Variants in TJP1 observed in about 807,000 individuals in gnomAD.
TJP1 encodes the protein tight junction protein ZO-1.
TJP1 carries 43 observed loss-of-function variants against 194.2 expected under a neutral mutation model. That is an observed-to-expected ratio of 0.22 (90% CI 0.17 to 0.29). The LOEUF is 0.29. Among genes scored for constraint, TJP1 ranks in the 10% least tolerant of loss-of-function variants. The pLI, the probability that TJP1 is intolerant of heterozygous loss-of-function variation, is 1.00. For missense variants in TJP1, 1,971 were observed against 2,185.7 expected (o/e 0.90, Z 1.96); for synonymous variants, 801 against 779.0 (o/e 1.03, Z -0.47).
Position 29,718,305 on chromosome 15 carries a change from T to C in TJP1, c.3837A>G (p.Leu1279=), listed in dbSNP as rs2042696555. 3 of 1,613,986 alleles carry C rather than the reference T, an allele frequency of 1.9e-6. No individual in the cohort carries two copies. Reference sequence around the variant, plus strand: ...TGTCATTTACATCCTTCTTGGTCTCTAAGGATGCAGATCTTTTGTTTTCAA... The same window carrying C: ...TGTCATTTACATCCTTCTTGGTCTCCAAGGATGCAGATCTTTTGTTTTCAA... ...KMFENKRSAS[L]ETKKDVNDTG... is the part of the protein sequence containing the mutation. The change falls in exon 21 of 28, where the codon TTA becomes TTG. Residue 1279 remains leucine (L), a synonymous_variant. Coordinates refer to ENST00000614355, the MANE Select transcript of TJP1 (RefSeq NM_001330239.4).
At chr15:29,959,714 G>A (rs74918713) in intron 1 of TJP1, among the ~76,000 whole-genome samples, 51 of 152,184 alleles carry the variant, frequency 3.4e-4, no homozygotes, top group Non-Finnish European at 5.0e-4. Flanking sequence ...TCAAAATTAC[G>A]GGTCCACTGA....
chr15:29,701,727 G>C, intron 27 of TJP1, 38 bp from the exon 28 acceptor site: 1 of 1,470,778 alleles, frequency 6.8e-7, no homozygotes, highest in Non-Finnish European at 9.5e-7. Context: ...TTACAGTTCA[G>C]TAAACTGCTA....
chr15:29,865,921 C>T (rs374410581), intron 2 of TJP1, among the ~76,000 whole-genome samples: 1 of 152,162 alleles, frequency 6.6e-6, no homozygotes, highest in East Asian at 1.9e-4. Flanking sequence ...AATCGCCAGG[C>T]ACTGTGCTAG....
rs550358758 is a variant in TJP1, at chr15:29,964,870, A to G, written c.173+3797T>C. Among the ~76,000 whole-genome samples the G allele has an allele frequency of 2.0e-5, 3 of 152,342 alleles. 1 individual carries two copies. Among genetic ancestry groups the G allele is most frequent in the African/African-American group, 7.2e-5 (3 of 41,578 alleles). On this transcript the variant is annotated intron_variant, in intron 1 of 28. Transcript: ENST00000356107. The stretch of plus-strand genomic sequence containing the variant: ...TCTTGAAGAAGGGGATGAGGAAAAG[A>G]GAGTTCCTACAGGCTCCACTGATGT...
intron 2 of TJP1, among the ~76,000 whole-genome samples, chr15:29,835,917 CAG>C (rs143355262): frequency 1.0e-4 from 15 of 147,584 alleles, no homozygotes; most frequent in Admixed American, 2.0e-4. Flanking sequence ...CAGAGAGAGA[CAG>C]AGAGAGAGAG....
chr15:29,719,155 C>G lies in TJP1; in HGVS notation c.3004-17G>C. 1 of 1,553,466 alleles carries G rather than the reference C, an allele frequency of 6.4e-7. No individual in the cohort carries two copies. Among genetic ancestry groups the G allele is most frequent in the Non-Finnish European group, 8.7e-7 (1 of 1,155,266 alleles). ...TCTATACACCTGTATAAAAAATTCA[C>G]ATTTAAGGACAAAGTCTTGTTTCTA... On this transcript the variant is annotated splice_polypyrimidine_tract_variant and intron_variant, in intron 20 of 27. Coordinates refer to ENST00000614355, the MANE Select transcript of TJP1 (RefSeq NM_001330239.4).
At chr15:29,907,442 C>T (rs1297975171) in intron 2 of TJP1, among the ~76,000 whole-genome samples, 1 of 152,008 alleles carries the variant, frequency 6.6e-6, no homozygotes, top group Non-Finnish European at 1.5e-5. Context: ...AGAAGTGGTA[C>T]ATACATGTAT....
At chr15:29,796,303 T>C (rs2048397327) in intron 2 of TJP1, among the ~76,000 whole-genome samples, 2 of 149,704 alleles carry the variant, frequency 1.3e-5, no homozygotes, top group African/African-American at 2.5e-5. Flanking sequence ...ACAAGAAAGT[T>C]CCTACAACTA....
chr15:29,897,250 C>T (rs533222589), intron 2 of TJP1, among the ~76,000 whole-genome samples: 4 of 152,284 alleles, frequency 2.6e-5, no homozygotes, highest in South Asian at 4.1e-4. Flanking sequence ...GCCTAAGGTA[C>T]GGTTCAGGCC....
At chr15:29,811,100 C>T (rs180758803) in intron 1 of TJP1, among the ~76,000 whole-genome samples, 1 of 151,964 alleles carries the variant, frequency 6.6e-6, no homozygotes, top group East Asian at 1.9e-4. Flanking sequence ...TGCTAGGAAC[C>T]AAAAAGAGGA....
chr15:29,712,140 T>C (rs1434513817), intron 23 of TJP1, among the ~76,000 whole-genome samples: 1 of 152,254 alleles, frequency 6.6e-6, no homozygotes, highest in East Asian at 1.9e-4. Context: ...AAAGCTGCAC[T>C]AGCTTTATGT....
At chr15:29,759,997 T>C (rs562688460) in intron 8 of TJP1, 2 of 492,570 alleles carry the variant, frequency 4.1e-6, no homozygotes, top group African/African-American at 4.0e-5. Flanking sequence ...AATTGCTGGA[T>C]CATGTGCTAG....
chr15:29,862,773 G>A (rs1314707313), intron 2 of TJP1, among the ~76,000 whole-genome samples: 4 of 149,954 alleles, frequency 2.7e-5, no homozygotes, highest in African/African-American at 7.4e-5. Context: ...TCAGCCTCCC[G>A]TGTAGCTGGG....
chr15:29,837,951 T>C (rs2051091499), intron 2 of TJP1, among the ~76,000 whole-genome samples: 2 of 152,346 alleles, frequency 1.3e-5, no homozygotes, highest in East Asian at 1.9e-4. Context: ...GGAATACCTA[T>C]AATTTTATTT....
At chr15:29,828,742 T>TTC (rs2050748430) in intron 2 of TJP1, among the ~76,000 whole-genome samples, 1 of 151,742 alleles carries the variant, frequency 6.6e-6, no homozygotes, top group African/African-American at 2.4e-5. Context: ...AGTCTTTTTT[T>TTC]TTTTTTTTTG....
At chr15:29,786,152 T>C (rs1253348467) in intron 2 of TJP1, among the ~76,000 whole-genome samples, 1 of 152,228 alleles carries the variant, frequency 6.6e-6, no homozygotes, top group Non-Finnish European at 1.5e-5. Context: ...GTCAGATTGA[T>C]TCGGTTTTTT....
chr15:29,808,338 T>C (rs752542834), intron 1 of TJP1, among the ~76,000 whole-genome samples: 2 of 152,198 alleles, frequency 1.3e-5, no homozygotes, highest in African/African-American at 2.4e-5. Flanking sequence ...GTTACCTTTG[T>C]GTATGAAGTA....
chr15:29,846,696 C>T (rs368431149), intron 2 of TJP1, among the ~76,000 whole-genome samples: 3 of 151,964 alleles, frequency 2.0e-5, no homozygotes, highest in Admixed American at 6.6e-5. Flanking sequence ...GAGGCCGAGG[C>T]GGGCGGATCA....
rs182115895 is a variant in TJP1 at position 29,932,007 on chromosome 15, T to C, written c.306+24225A>G. Among the ~76,000 whole-genome samples the C allele has an allele frequency of 5.5e-3, 838 of 152,300 alleles. 11 individuals are homozygous for C. Among genetic ancestry groups the C allele is most frequent in the African/African-American group, 0.019 (805 of 41,568 alleles). ...AGTAGTGAGGACCACCAGAAGTCAC[T>C]CTTGTGACCATCTTGGTTTTGGTGG... On this transcript the variant is annotated intron_variant, in intron 2 of 28. Transcript: ENST00000356107.
Sources: gnomAD v4.1 joint callset for allele counts (sites outside exome capture counted in the v4.1 genomes callset) on GRCh38, gnomAD v4.1.1 for gene constraint, MANE v1.5 for transcripts, NCBI Gene and HGNC (gene_info 2026-07-23, HGNC 2026-07-21) for gene names.